Variants in PLXNA4 observed in about 807,000 individuals in gnomAD.
PLXNA4 encodes the protein plexin-A4.
PLXNA4 carries 44 observed loss-of-function variants against 191.8 expected under a neutral mutation model. The ratio of observed to expected loss-of-function variants is 0.23; its 90% confidence interval spans 0.18 to 0.29. The LOEUF is 0.29. PLXNA4 is among the 10% of genes least tolerant of loss of function. PLXNA4 has a pLI of 1.00. For missense variants in PLXNA4, 1,800 were observed against 2,488.8 expected (o/e 0.72, Z 5.89); for synonymous variants, 1,082 against 1,009.5 (o/e 1.07, Z -1.36).
intron 2 of PLXNA4, among the ~76,000 whole-genome samples, chr7:132,504,210 C>A (rs888477290): frequency 2.0e-5 from 3 of 152,254 alleles, no homozygotes; most frequent in African/African-American, 7.2e-5. Context: ...TCTACCCCAA[C>A]GGCCCAAGAC....
chr7:132,300,591 C>T (rs1256648679), intron 3 of PLXNA4, among the ~76,000 whole-genome samples: 1 of 152,190 alleles, frequency 6.6e-6, no homozygotes, highest in Non-Finnish European at 1.5e-5. Flanking sequence ...TGTGCCCACC[C>T]CAAGCCACCA....
At chr7:132,251,034 G>A (rs1181740792) in intron 4 of PLXNA4, among the ~76,000 whole-genome samples, 1 of 147,184 alleles carries the variant, frequency 6.8e-6, no homozygotes, top group Admixed American at 6.9e-5. Flanking sequence ...GGATCAAAGT[G>A]CTGCTCCTGT....
intron 3 of PLXNA4, among the ~76,000 whole-genome samples, chr7:132,313,700 G>A (rs1469762339): frequency 6.6e-6 from 1 of 152,102 alleles, no homozygotes; most frequent in Admixed American, 6.5e-5. Flanking sequence ...CTGGATGTCT[G>A]ACTGAATGAC....
At chr7:132,314,655 C>A (rs1801875257) in intron 3 of PLXNA4, among the ~76,000 whole-genome samples, 1 of 152,170 alleles carries the variant, frequency 6.6e-6, no homozygotes, top group South Asian at 2.1e-4. Flanking sequence ...CAAAAGAGGT[C>A]CTCACGGAGG....
intron 3 of PLXNA4, among the ~76,000 whole-genome samples, chr7:132,305,583 G>A (rs1801487781): frequency 6.6e-6 from 1 of 152,176 alleles, no homozygotes; most frequent in South Asian, 2.1e-4. Flanking sequence ...CAGACAGACT[G>A]CTATTGAAAC....
chr7:132,377,491 C>G (rs1038713241), intron 3 of PLXNA4, among the ~76,000 whole-genome samples: 4 of 151,996 alleles, frequency 2.6e-5, no homozygotes, highest in African/African-American at 9.7e-5. Flanking sequence ...CCTCTGTTCC[C>G]CTGTGCAGGT....
chr7:132,639,851 A>G (rs1018070008), intron 2 of PLXNA4, among the ~76,000 whole-genome samples: 3 of 152,240 alleles, frequency 2.0e-5, no homozygotes, highest in African/African-American at 4.8e-5. Context: ...TTTCCAGACC[A>G]TGATGAGAGT....
At chr7:132,642,115 C>A (rs561650214) in intron 2 of PLXNA4, among the ~76,000 whole-genome samples, 2 of 152,198 alleles carry the variant, frequency 1.3e-5, no homozygotes, top group South Asian at 4.2e-4. Flanking sequence ...AATGAATTTA[C>A]TGAAGATTTC....
chr7:132,145,000 G>C, intron 29 of PLXNA4, 119 bp downstream of exon 29: 2 of 1,448,480 alleles, frequency 1.4e-6, no homozygotes, highest in Middle Eastern at 2.4e-4. Flanking sequence ...CAGAGTCCCT[G>C]CTGATGAAAA....
At chr7:132,592,073 T>C (rs12535386) in intron 2 of PLXNA4, among the ~76,000 whole-genome samples, 1,851 of 152,252 alleles carry the variant, frequency 0.012, 24 homozygotes, top group Middle Eastern at 0.041. Flanking sequence ...ACCCGCCAGC[T>C]CATGAGGTGA....
intron 3 of PLXNA4, among the ~76,000 whole-genome samples, chr7:132,452,940 T>C (rs1344963654): frequency 1.3e-5 from 2 of 152,072 alleles, no homozygotes; most frequent in African/African-American, 2.4e-5. Flanking sequence ...GGCGGGAACC[T>C]GGGGGTTCAG....
At chr7:132,575,404 G>A (rs1343475595) in intron 1 of PLXNA4, among the ~76,000 whole-genome samples, 1 of 152,222 alleles carries the variant, frequency 6.6e-6, no homozygotes, top group Non-Finnish European at 1.5e-5. Context: ...TGCCTTCTCC[G>A]GTGGGCAGTG....
intron 2 of PLXNA4, among the ~76,000 whole-genome samples, chr7:132,633,880 A>G (rs1459489890): frequency 6.6e-6 from 1 of 152,002 alleles, no homozygotes; most frequent in African/African-American, 2.4e-5. Flanking sequence ...CTTGTCACCC[A>G]AGGAATGAAG....
At chr7:132,549,011 G>C (rs1800434810) in intron 1 of PLXNA4, among the ~76,000 whole-genome samples, 1 of 152,030 alleles carries the variant, frequency 6.6e-6, no homozygotes, top group Non-Finnish European at 1.5e-5. Context: ...TTCCCTATAT[G>C]GTCTAAAAAA....
chr7:132,433,005 G>A lies in PLXNA4; in HGVS notation c.1371+56287C>T, dbSNP rs183714186. ...GTGTTTCTCATTATACTTACATTGT[G>A]CATTACAGTGGCTCTTACACATAGG... On this transcript the variant is annotated intron_variant, in intron 3 of 31. Coordinates refer to ENST00000321063, the MANE Select transcript of PLXNA4 (RefSeq NM_020911.2). 3.5e-3 allele frequency among the ~76,000 whole-genome samples: 531 copies of A among 152,228 alleles called. 7 individuals carry two copies. The highest frequency in any genetic ancestry group is 4.6e-3 in the Non-Finnish European group (315 of 68,022).
At chr7:132,239,391 C>G (rs1357374468) in intron 5 of PLXNA4, among the ~76,000 whole-genome samples, 7 of 152,150 alleles carry the variant, frequency 4.6e-5, no homozygotes, top group African/African-American at 7.2e-5. Flanking sequence ...TGGGCAGAGA[C>G]CAAAGCTGAC....
At chr7:132,334,696 G>A (rs1301989118) in intron 3 of PLXNA4, among the ~76,000 whole-genome samples, 1 of 152,204 alleles carries the variant, frequency 6.6e-6, no homozygotes, top group Non-Finnish European at 1.5e-5. Context: ...TAAACAACAA[G>A]GGGGAATGGC....
At chr7:132,305,193 G>A (rs768989189) in intron 3 of PLXNA4, among the ~76,000 whole-genome samples, 57 of 152,062 alleles carry the variant, frequency 3.7e-4, no homozygotes, top group Non-Finnish European at 6.2e-4. Context: ...TCTGGGGCTG[G>A]GGGCAGCAAC....
chr7:132,414,253 G>A (rs1229989581), intron 3 of PLXNA4, among the ~76,000 whole-genome samples: 1 of 152,182 alleles, frequency 6.6e-6, no homozygotes, highest in East Asian at 1.9e-4. Context: ...GTCAGCTGGA[G>A]GGCTTGCCAG....
Sources: gnomAD v4.1 joint callset for allele counts (sites outside exome capture counted in the v4.1 genomes callset) on GRCh38, gnomAD v4.1.1 for gene constraint, MANE v1.5 for transcripts, NCBI Gene and HGNC (gene_info 2026-07-23, HGNC 2026-07-21) for gene names.